MCTP2: variants seen among roughly 807,000 people sequenced by gnomAD.
MCTP2 encodes multiple C2 and transmembrane domain containing 2, also known as multiple C2 and transmembrane domain-containing protein 2.
In MCTP2, 132 loss-of-function variants were observed where a neutral mutation model predicts 111.6. That is an observed-to-expected ratio of 1.18 (90% CI 1.03 to 1.37). The LOEUF is 1.37. MCTP2 is among the 40% of genes most tolerant of loss of function. The pLI, the probability that MCTP2 is intolerant of heterozygous loss-of-function variation, is 0.00. For missense variants in MCTP2, 1,183 were observed against 1,067.9 expected, an observed-to-expected ratio of 1.11 and a Z score of -1.50; for synonymous variants, 395 against 387.7, an observed-to-expected ratio of 1.02 and a Z score of -0.22.
intron 2 of MCTP2, among the ~76,000 whole-genome samples, chr15:94,313,107 G>A (rs1246241991): frequency 1.3e-5 from 2 of 152,152 alleles, no homozygotes; most frequent in African/African-American, 4.8e-5. Context: ...CGTCTTTGGA[G>A]GGGAAATTCC....
In MCTP2 at chr15:94,384,087, A is replaced by G. The variant is rs374354293; in HGVS notation, c.1648A>G (p.Lys550Glu). 7 of 1,613,880 alleles carry G rather than the reference A, an allele frequency of 4.3e-6. No individual in the cohort carries two copies. The highest frequency in any genetic ancestry group is 1.3e-5 in the African/African-American group (1 of 75,048). Reference sequence around the variant, plus strand: ...CCGACTTCAGACGCATACCGTCTACAAAAACCTCAACCCTGAATGGAACAA... The same window carrying G: ...CCGACTTCAGACGCATACCGTCTACGAAAACCTCAACCCTGAATGGAACAA... ...NDRLQTHTVY[K>E]NLNPEWNKVF... The change falls in exon 13 of 23, where the codon AAA becomes GAA. Residue 550 changes from lysine to glutamate, a missense_variant. Coordinates refer to ENST00000357742, the MANE Select transcript of MCTP2 (RefSeq NM_001385001.1).
At chr15:94,355,643 A>C (rs952284224) in intron 8 of MCTP2, among the ~76,000 whole-genome samples, 1 of 152,022 alleles carries the variant, frequency 6.6e-6, no homozygotes, top group Non-Finnish European at 1.5e-5. Context: ...TGAATCTTAC[A>C]TGGTATAGGG....
At chr15:94,258,783 C>A (rs184546914) in intron 1 of MCTP2, among the ~76,000 whole-genome samples, 7 of 152,248 alleles carry the variant, frequency 4.6e-5, no homozygotes, top group Admixed American at 3.9e-4. Context: ...AAAACAAATT[C>A]TTTTCCTGGT....
rs139352533 is a variant in MCTP2 at position 94,406,297 on chromosome 15, CAT to C, written c.2085+4279_2085+4280del. On this transcript the variant is annotated intron_variant, in intron 17 of 22. Transcript: ENST00000357742. ...AGAGGTCAAGTACAGTGACAGAGCTCATGTGTGTGTATGAGGTAGAGGTGGAA... is the reference window on the plus strand; with the variant it reads ...AGAGGTCAAGTACAGTGACAGAGCTCGTGTGTGTATGAGGTAGAGGTGGAA... Among the ~76,000 whole-genome samples, 1,081 of 152,206 alleles carry C rather than the reference CAT, an allele frequency of 7.1e-3. 13 individuals are homozygous for C. Among genetic ancestry groups the C allele is most frequent in the African/African-American group, 0.025 (1,021 of 41,546 alleles).
chr15:94,257,797 G>A (rs1319770276), intron 1 of MCTP2, among the ~76,000 whole-genome samples: 1 of 151,522 alleles, frequency 6.6e-6, no homozygotes, highest in African/African-American at 2.4e-5. Flanking sequence ...ATGTTGGCCA[G>A]GCTGGTCTTG....
rs139843429 is a variant in MCTP2, at chr15:94,437,574, A to G, written c.2086-2602A>G. On this transcript the variant is annotated intron_variant, in intron 17 of 22. Coordinates refer to ENST00000357742, the MANE Select transcript of MCTP2 (RefSeq NM_001385001.1). ...ATATCAAGATACCAATTATCTTTAA[A>G]TTATCAAGACAATCTCAGTCTTAAT... 7.8e-3 allele frequency among the ~76,000 whole-genome samples: 1,183 copies of G among 152,230 alleles called. 15 individuals are homozygous for G. The highest frequency in any genetic ancestry group is 0.027 in the African/African-American group (1,124 of 41,568).
chr15:94,280,154 T>C (rs1404242292), intron 1 of MCTP2, among the ~76,000 whole-genome samples: 1 of 152,304 alleles, frequency 6.6e-6, no homozygotes, highest in African/African-American at 2.4e-5. Context: ...AAAAATAATT[T>C]CAATAGGATT....
Position 94,407,814 on chromosome 15 carries a change from CACAT to C in MCTP2, c.2085+5796_2085+5799del, listed in dbSNP as rs200500246. Among the ~76,000 whole-genome samples the C allele has an allele frequency of 6.1e-3, 852 of 139,432 alleles. 18 individuals are homozygous for C. The highest frequency in any genetic ancestry group is 0.056 in the East Asian group (268 of 4,794). The allele number at this position is 139,432 out of a possible 152,430, so 91.5% of individuals were successfully genotyped here. On this transcript the variant is annotated intron_variant, in intron 17 of 22. Coordinates refer to ENST00000357742, the MANE Select transcript of MCTP2 (RefSeq NM_001385001.1). Reference sequence around the variant, plus strand: ...ACACACACACACACACACACACACACACATGCATGAACACGAAGAAGCAGAGGAC... The same window carrying C: ...ACACACACACACACACACACACACACGCATGAACACGAAGAAGCAGAGGAC...
At chr15:94,274,445 CA>C (rs1397349114) in intron 1 of MCTP2, among the ~76,000 whole-genome samples, 1 of 151,850 alleles carries the variant, frequency 6.6e-6, no homozygotes, top group Non-Finnish European at 1.5e-5. Context: ...ATAAAATCAA[CA>C]GAGGAAAAAT....
At chr15:94,343,069 A>G (rs140308214) in intron 7 of MCTP2, 193 of 151,064 alleles carry the variant, frequency 1.3e-3, no homozygotes, top group African/African-American at 4.3e-3. Context: ...ACATATATAT[A>G]TATAATGGAA....
chr15:94,355,747 A>G (rs1384771389), intron 8 of MCTP2, among the ~76,000 whole-genome samples: 1 of 152,212 alleles, frequency 6.6e-6, no homozygotes, highest in Non-Finnish European at 1.5e-5. Context: ...GCCCAGAGAT[A>G]TTTTGCTTCC....
intron 14 of MCTP2, among the ~76,000 whole-genome samples, chr15:94,390,205 T>A (rs1476671085): frequency 6.6e-6 from 1 of 150,828 alleles, no homozygotes; most frequent in African/African-American, 2.4e-5. Context: ...TTGTCTTCAA[T>A]CTTTTTCAGA....
At chr15:94,277,953 G>A (rs1327007417) in intron 1 of MCTP2, among the ~76,000 whole-genome samples, 1 of 152,122 alleles carries the variant, frequency 6.6e-6, no homozygotes, top group African/African-American at 2.4e-5. Context: ...GTAGTATATA[G>A]CAGAGGAAAT....
At chr15:94,433,117 T>C (rs2083281501) in intron 17 of MCTP2, among the ~76,000 whole-genome samples, 1 of 151,504 alleles carries the variant, frequency 6.6e-6, no homozygotes, top group East Asian at 1.9e-4. Flanking sequence ...TCTATGGCAA[T>C]GCTAGCTAAG....
rs1280418063 is a variant in MCTP2, at chr15:94,384,107, G to C, written c.1668G>C (p.Trp556Cys). 3.7e-6 allele frequency: 6 copies of C among 1,613,114 alleles called. No individual in the cohort carries two copies. In the East Asian group the frequency reaches 1.3e-4, roughly 36 times the overall value. The change falls in exon 13 of 23, where the codon TGG becomes TGC. Residue 556 changes from tryptophan (W) to cysteine (C), a missense_variant. Coordinates refer to ENST00000357742, the MANE Select transcript of MCTP2 (RefSeq NM_001385001.1). ...HTVYKNLNPEWNKVFTFPIKD... is the reference protein window; with the variant it reads ...HTVYKNLNPECNKVFTFPIKD... ...TCTACAAAAACCTCAACCCTGAATGGAACAAAGTTTTTACATTGTAAGTGC... is the reference window on the plus strand; with the variant it reads ...TCTACAAAAACCTCAACCCTGAATGCAACAAAGTTTTTACATTGTAAGTGC...
rs897340791 is a variant in MCTP2, at chr15:94,476,744, A to G, written c.2519A>G (p.Asn840Ser). 5.0e-6 allele frequency: 8 copies of G among 1,610,406 alleles called. No individual in the cohort carries two copies. The Admixed American group carries it at 1.3e-4, about 27-fold the overall frequency. Reference protein sequence around the residue: ...KKLRNPYSIDNNELLDFLSRV... With the variant: ...KKLRNPYSIDSNELLDFLSRV... ...CTTCGAAATCCCTATTCCATCGACAATAATGAGCTACTAGACTTCCTCTCT... is the reference window on the plus strand; with the variant it reads ...CTTCGAAATCCCTATTCCATCGACAGTAATGAGCTACTAGACTTCCTCTCT... The change falls in exon 22 of 23, where the codon AAT becomes AGT. Residue 840 changes from asparagine (N) to serine (S), a missense_variant. By Grantham distance (46) the Asn-to-Ser change is conservative. Transcript: ENST00000357742.
At chr15:94,414,238 T>A (rs1008033944) in intron 17 of MCTP2, among the ~76,000 whole-genome samples, 4 of 152,178 alleles carry the variant, frequency 2.6e-5, no homozygotes, top group African/African-American at 9.6e-5. Context: ...ATGTCTTATA[T>A]GCTGTACCCT....
Position 94,278,062 on chromosome 15 carries a change from A to G in MCTP2, c.-65-20139A>G, listed in dbSNP as rs578035584. On this transcript the variant is annotated intron_variant, in intron 1 of 22. Transcript: ENST00000357742. ...AAAAAGTATATTCATGGCTTGGGAG[A>G]TGAAAATATCATGAAGCTGTCAAAT... 3 of 152,274 alleles carry G rather than the reference A, an allele frequency of 2.0e-5. No homozygotes were observed. In the East Asian group the frequency reaches 5.8e-4, roughly 29 times the overall value. The allele number at this position is 152,274 out of a possible 1,614,324, so 9.4% of individuals were successfully genotyped here. A position where few individuals can be genotyped will look rare whatever the true frequency, so the allele number is the denominator to read the frequency against.
chr15:94,298,197 A>G lies in MCTP2; in HGVS notation c.-65-4A>G, dbSNP rs186226037. On this transcript the variant is annotated splice_polypyrimidine_tract_variant and splice_region_variant and intron_variant, in intron 1 of 22. Transcript: ENST00000357742. Reference sequence around the variant, plus strand: ...GTTTTTTGTTGTTTTTTTCTGTTTTATAGGAGTCATTGCAGTTTTCAGTAG... The same window carrying G: ...GTTTTTTGTTGTTTTTTTCTGTTTTGTAGGAGTCATTGCAGTTTTCAGTAG... 612 of 1,101,952 alleles carry G rather than the reference A, an allele frequency of 5.6e-4. 6 individuals are homozygous for G. In the African/African-American group the frequency reaches 9.1e-3, roughly 16 times the overall value. The allele number at this position is 1,101,952 out of a possible 1,614,324, so 68.3% of individuals were successfully genotyped here.
Sources: allele counts gnomAD v4.1 joint callset (sites outside exome capture counted in the v4.1 genomes callset), GRCh38; gene constraint gnomAD v4.1.1; transcripts MANE v1.5; gene names NCBI Gene and HGNC (gene_info 2026-07-23, HGNC 2026-07-21).